Variants in NAALADL2 observed in about 807,000 individuals in gnomAD.
NAALADL2 encodes N-acetylated alpha-linked acidic dipeptidase like 2.
In NAALADL2, 76 loss-of-function variants were observed where a neutral mutation model predicts 87.2. That is an observed-to-expected ratio of 0.87 (90% CI 0.72 to 1.05). NAALADL2 has a LOEUF of 1.05. Ranked by LOEUF, NAALADL2 falls within the 50% of genes least tolerant of loss-of-function variation. The probability of loss-of-function intolerance (pLI) is 0.00; values close to 1 mark genes in which losing one functional copy is unlikely to be tolerated. For missense variants in NAALADL2, 1,089 were observed against 945.8 expected (o/e 1.15, Z -1.99); for synonymous variants, 354 against 331.0 (o/e 1.07, Z -0.75).
chr3:174,625,190 C>T (rs1033817246), intron 2 of NAALADL2, among the ~76,000 whole-genome samples: 4 of 151,282 alleles, frequency 2.6e-5, no homozygotes, highest in Non-Finnish European at 4.4e-5. Flanking sequence ...TCCCAGGTAA[C>T]TGGGACTATG....
At chr3:174,626,674 GTA>G (rs1721610863) in intron 2 of NAALADL2, among the ~76,000 whole-genome samples, 1 of 151,914 alleles carries the variant, frequency 6.6e-6, no homozygotes, top group Non-Finnish European at 1.5e-5. Context: ...TAGCTAAAGA[GTA>G]TACAGAATAT....
rs1214866973 is a variant in NAALADL2, at chr3:174,913,009, A to G, written c.43+53559A>G. On this transcript the variant is annotated intron_variant, in intron 1 of 13. Coordinates refer to ENST00000454872, the MANE Select transcript of NAALADL2 (RefSeq NM_207015.3). ...AATACACATATTTCCACATTTTAAT[A>G]TCCCTGAAATAAAGATGAATCTTCC... Among the ~76,000 whole-genome samples, 7 of 152,294 alleles carry G rather than the reference A, an allele frequency of 4.6e-5. No homozygotes were observed. The East Asian group carries it at 1.4e-3, about 29-fold the overall frequency.
chr3:175,074,500 G>T (rs906445112), intron 1 of NAALADL2, among the ~76,000 whole-genome samples: 8 of 151,712 alleles, frequency 5.3e-5, no homozygotes, highest in African/African-American at 1.9e-4. Flanking sequence ...GAATTTTTTT[G>T]AAATAAATAC....
intron 2 of NAALADL2, among the ~76,000 whole-genome samples, chr3:174,621,021 T>C (rs565741255): frequency 6.6e-6 from 1 of 152,220 alleles, no homozygotes; most frequent in East Asian, 1.9e-4. Flanking sequence ...AGGAAGAGCG[T>C]ATTATGCTGT....
chr3:175,751,406 GA>G (rs1208723155), intron 12 of NAALADL2, among the ~76,000 whole-genome samples: 10 of 151,034 alleles, frequency 6.6e-5, no homozygotes, highest in Admixed American at 3.9e-4. Flanking sequence ...ACATCTCTGA[GA>G]AAAAAAAAGT....
chr3:174,699,162 ATTTC>A (rs1181639467), intron 2 of NAALADL2, among the ~76,000 whole-genome samples: 1 of 152,072 alleles, frequency 6.6e-6, no homozygotes, highest in African/African-American at 2.4e-5. Flanking sequence ...ATTATGAGTA[ATTTC>A]TTTATCATCC....
At chr3:175,252,453 T>G (rs1581129023) in intron 3 of NAALADL2, among the ~76,000 whole-genome samples, 1 of 152,184 alleles carries the variant, frequency 6.6e-6, no homozygotes, top group Non-Finnish European at 1.5e-5. Context: ...GAATTCTGAC[T>G]GCTGTACCCA....
In NAALADL2 at chr3:175,547,719, T is replaced by A. The variant is rs114758895; in HGVS notation, c.1654-28322T>A. On this transcript the variant is annotated intron_variant, in intron 9 of 13. Coordinates refer to ENST00000454872, the MANE Select transcript of NAALADL2 (RefSeq NM_207015.3). ...AACTTAAACAAATTTACAAGGAAAATACAACCCATAAAGTAGTGGGCAGAG... is the reference window on the plus strand; with the variant it reads ...AACTTAAACAAATTTACAAGGAAAAAACAACCCATAAAGTAGTGGGCAGAG... 8.6e-3 allele frequency among the ~76,000 whole-genome samples: 1,307 copies of A among 151,392 alleles called. 25 individuals are homozygous for A. Among genetic ancestry groups the A allele is most frequent in the African/African-American group, 0.03 (1,240 of 41,352 alleles).
intron 1 of NAALADL2, among the ~76,000 whole-genome samples, chr3:174,939,500 T>C (rs547700171): frequency 6.6e-6 from 1 of 152,228 alleles, no homozygotes; most frequent in South Asian, 2.1e-4. Context: ...TATATTTTGG[T>C]TCCATATGAA....
intron 1 of NAALADL2, among the ~76,000 whole-genome samples, chr3:174,942,558 C>T (rs1462706606): frequency 6.6e-6 from 1 of 151,938 alleles, no homozygotes; most frequent in Admixed American, 6.6e-5. Flanking sequence ...TTCTGTGTTT[C>T]CTGAATCTGA....
intron 6 of NAALADL2, among the ~76,000 whole-genome samples, chr3:175,453,810 A>G (rs1721923070): frequency 6.6e-6 from 1 of 152,102 alleles, no homozygotes; most frequent in Admixed American, 6.6e-5. Context: ...TATTCTGTAT[A>G]TTATTCATGT....
chr3:175,239,637 G>C (rs1746492647), intron 3 of NAALADL2, among the ~76,000 whole-genome samples: 1 of 152,138 alleles, frequency 6.6e-6, no homozygotes, highest in Non-Finnish European at 1.5e-5. Context: ...AAGTAATGCA[G>C]TTTTATGGAG....
At chr3:175,262,184 G>C (rs1195590004) in intron 4 of NAALADL2, among the ~76,000 whole-genome samples, 1 of 151,956 alleles carries the variant, frequency 6.6e-6, no homozygotes, top group Non-Finnish European at 1.5e-5. Context: ...AGATCAATAA[G>C]AAATCCTCTA....
intron 10 of NAALADL2, among the ~76,000 whole-genome samples, chr3:175,590,013 C>CTAA (rs1721161056): frequency 6.6e-6 from 1 of 151,856 alleles, no homozygotes; most frequent in South Asian, 2.1e-4. Context: ...GAGATCGAGA[C>CTAA]CATCCTGGCT....
At chr3:175,204,148 A>T (rs1740478664) in intron 2 of NAALADL2, among the ~76,000 whole-genome samples, 1 of 152,232 alleles carries the variant, frequency 6.6e-6, no homozygotes, top group Non-Finnish European at 1.5e-5. Flanking sequence ...AGCAAAAAAG[A>T]AAACTACAGA....
intron 2 of NAALADL2, among the ~76,000 whole-genome samples, chr3:174,731,237 T>G (rs936597253): frequency 2.6e-5 from 4 of 152,150 alleles, no homozygotes; most frequent in African/African-American, 7.2e-5. Flanking sequence ...CTGAGAAGCA[T>G]TGTGCAAAGG....
chr3:174,979,557 G>C (rs577625554), intron 1 of NAALADL2, among the ~76,000 whole-genome samples: 1 of 151,638 alleles, frequency 6.6e-6, no homozygotes, highest in African/African-American at 2.4e-5. Context: ...CGCCCGCCTC[G>C]GCCTCCCAAA....
intron 2 of NAALADL2, among the ~76,000 whole-genome samples, chr3:175,223,829 A>C (rs1217492511): frequency 6.6e-6 from 1 of 152,146 alleles, no homozygotes; most frequent in Non-Finnish European, 1.5e-5. Flanking sequence ...ACTTGGGACA[A>C]ATCATTTAGG....
chr3:175,365,943 A>G (rs1357462347), intron 5 of NAALADL2, among the ~76,000 whole-genome samples: 1 of 143,932 alleles, frequency 6.9e-6, no homozygotes, highest in African/African-American at 2.5e-5. Flanking sequence ...ATATGTATAC[A>G]TGTGCCATGC....
Sources: gnomAD v4.1 joint callset for allele counts (sites outside exome capture counted in the v4.1 genomes callset) on GRCh38, gnomAD v4.1.1 for gene constraint, MANE v1.5 for transcripts, NCBI Gene and HGNC (gene_info 2026-07-23, HGNC 2026-07-21) for gene names.